Variants in EXOSC7 observed in about 807,000 individuals in gnomAD.
EXOSC7 encodes the protein exosome complex component RRP42.
Under a neutral mutation model 34.3 loss-of-function variants are expected in EXOSC7, and 25 were observed. The observed-to-expected ratio is 0.73, with a 90% confidence interval of 0.53 to 1.02. The LOEUF is 1.02. Among genes scored for constraint, EXOSC7 ranks in the 50% least tolerant of loss-of-function variants. EXOSC7 has a pLI of 0.00. For synonymous variants in EXOSC7, 130 were observed against 143.0 expected (o/e 0.91, Z 0.65); for missense variants, 370 against 368.5 (o/e 1.00, Z -0.03).
At chr3:45,008,142 G>A (rs1274557522) in intron 7 of EXOSC7, among the ~76,000 whole-genome samples, 1 of 152,218 alleles carries the variant, frequency 6.6e-6, no homozygotes, top group African/African-American at 2.4e-5. Flanking sequence ...TGTACTGTTT[G>A]CCCCACATGT....
chr3:44,995,835 T>C (rs966010530), intron 3 of EXOSC7, among the ~76,000 whole-genome samples: 33 of 152,210 alleles, frequency 2.2e-4, no homozygotes, highest in Admixed American at 2.0e-4. Context: ...CCTATATTAC[T>C]AAGTGAGATT....
Position 45,007,621 on chromosome 3 carries a change from C to T in EXOSC7, c.771+46C>T, listed in dbSNP as rs774153058. ...AAGGTGCAGGGACCTGGCCGGGGTGCCTGCTGCTTCCTGCTCCCTTGGTCA... is the reference window on the plus strand; with the variant it reads ...AAGGTGCAGGGACCTGGCCGGGGTGTCTGCTGCTTCCTGCTCCCTTGGTCA... On this transcript the variant is annotated intron_variant, in intron 7 of 7. Transcript: ENST00000265564. 5 of 1,511,150 alleles carry T rather than the reference C, an allele frequency of 3.3e-6. No individual in the cohort carries two copies. The Admixed American group carries it at 6.2e-5, about 19-fold the overall frequency. 93.6% of individuals were successfully genotyped at this position (1,511,150 alleles called of 1,614,324 possible). A position where few individuals can be genotyped will look rare whatever the true frequency, so the allele number is the denominator to read the frequency against.
intron 1 of EXOSC7, among the ~76,000 whole-genome samples, chr3:44,979,557 A>C (rs527455909): frequency 6.6e-6 from 1 of 151,942 alleles, no homozygotes; most frequent in Non-Finnish European, 1.5e-5. Context: ...CAAGGCTGCA[A>C]GTGTTTCTCC....
intron 6 of EXOSC7, 57 bp from the exon 7 acceptor site, chr3:45,007,363 G>T (rs982959766): frequency 1.4e-5 from 22 of 1,593,218 alleles, no homozygotes; most frequent in Admixed American, 8.5e-5. Context: ...AGGCCATCAG[G>T]GGTGGGACTC....
At chr3:44,996,964 G>T in intron 3 of EXOSC7, 123 bp from the exon 4 acceptor site, 2 of 971,590 alleles carry the variant, frequency 2.1e-6, no homozygotes, top group Non-Finnish European at 3.2e-6. Context: ...CCTCATCTCA[G>T]TGACTTTCTG....
intron 1 of EXOSC7, among the ~76,000 whole-genome samples, chr3:44,985,097 G>T (rs1706370632): frequency 6.6e-6 from 1 of 152,204 alleles, no homozygotes; most frequent in Non-Finnish European, 1.5e-5. Context: ...CACTTTCCTA[G>T]CTGGGGAGTG....
chr3:44,984,789 G>A (rs1309904131), intron 1 of EXOSC7, among the ~76,000 whole-genome samples: 2 of 152,148 alleles, frequency 1.3e-5, no homozygotes, highest in Non-Finnish European at 2.9e-5. Flanking sequence ...ACATTATCTG[G>A]TATATAGTAA....
intron 3 of EXOSC7, among the ~76,000 whole-genome samples, chr3:44,991,091 T>A (rs1706558815): frequency 6.6e-6 from 1 of 152,198 alleles, no homozygotes; most frequent in African/African-American, 2.4e-5. Flanking sequence ...AAATGCCAGC[T>A]CAGGTCTGTC....
intron 6 of EXOSC7, 39 bp from the exon 7 acceptor site, chr3:45,007,381 T>C (rs1227014939): frequency 1.2e-6 from 2 of 1,610,200 alleles, no homozygotes; most frequent in Non-Finnish European, 1.7e-6. Flanking sequence ...CTCTGGGGCC[T>C]GCGTGACCCA....
At chr3:44,984,940 G>GA (rs1231962504) in intron 1 of EXOSC7, among the ~76,000 whole-genome samples, 2 of 152,254 alleles carry the variant, frequency 1.3e-5, no homozygotes, top group African/African-American at 4.8e-5. Context: ...TCCAGAGAGG[G>GA]AAGGGGCTTG....
chr3:44,991,808 A>G (rs139160039), intron 3 of EXOSC7, among the ~76,000 whole-genome samples: 4 of 152,228 alleles, frequency 2.6e-5, no homozygotes, highest in Non-Finnish European at 4.4e-5. Context: ...TGGGTCTCAA[A>G]AGGATCCCCA....
chr3:45,002,545 C>T (rs1054153068), intron 5 of EXOSC7, among the ~76,000 whole-genome samples: 3 of 152,102 alleles, frequency 2.0e-5, no homozygotes, highest in African/African-American at 7.2e-5. Context: ...TAAATGCAGT[C>T]CCCTCATCCT....
intron 5 of EXOSC7, chr3:45,004,255 A>C (rs1576023808): frequency 6.8e-6 from 1 of 148,052 alleles, no homozygotes. Flanking sequence ...ATTTTTGTCA[A>C]CTCTTGCTTT....
intron 7 of EXOSC7, among the ~76,000 whole-genome samples, chr3:45,010,119 A>C (rs561931602): frequency 6.6e-6 from 1 of 152,286 alleles, no homozygotes; most frequent in South Asian, 2.1e-4. Context: ...TTGAATCCAC[A>C]CTGCTATGGG....
chr3:45,010,343 G>A (rs1707170144), intron 7 of EXOSC7, among the ~76,000 whole-genome samples: 1 of 152,106 alleles, frequency 6.6e-6, no homozygotes, highest in African/African-American at 2.4e-5. Context: ...GAACTCCTGG[G>A]CTCAAACAAT....
chr3:44,996,959 T>A, intron 3 of EXOSC7, 128 bp from the exon 4 acceptor site: 1 of 919,940 alleles, frequency 1.1e-6, no homozygotes, highest in Non-Finnish European at 1.7e-6. Flanking sequence ...CCTTTCCTCA[T>A]CTCAGTGACT....
At chr3:44,998,770 A>G (rs760250190) in intron 4 of EXOSC7, among the ~76,000 whole-genome samples, 2 of 152,208 alleles carry the variant, frequency 1.3e-5, no homozygotes, top group African/African-American at 4.8e-5. Context: ...CTTTTTTTCC[A>G]TCTCTGATAA....
chr3:44,976,883 C>T (rs1251005504), intron 1 of EXOSC7, among the ~76,000 whole-genome samples: 1 of 152,180 alleles, frequency 6.6e-6, no homozygotes, highest in Non-Finnish European at 1.5e-5. Flanking sequence ...AGAGACCGTC[C>T]TGACCAACAT....
chr3:44,989,381 G>T (rs986803701), intron 2 of EXOSC7, 140 bp downstream of exon 2: 19 of 819,286 alleles, frequency 2.3e-5, no homozygotes, highest in East Asian at 7.9e-5. Context: ...AGGGAGGGGG[G>T]GTCTATCCAG....
Sources: gnomAD v4.1 joint callset for allele counts (sites outside exome capture counted in the v4.1 genomes callset) on GRCh38, gnomAD v4.1.1 for gene constraint, MANE v1.5 for transcripts, NCBI Gene and HGNC (gene_info 2026-07-23, HGNC 2026-07-21) for gene names.